The following PITPNA variants were observed in gnomAD, a reference collection of about 807,000 sequenced individuals.
The protein encoded by PITPNA is phosphatidylinositol transfer protein alpha.
A neutral mutation model predicts 50.3 loss-of-function variants in PITPNA; 13 were observed. The ratio of observed to expected loss-of-function variants is 0.26; its 90% CI spans 0.17 to 0.41. The LOEUF (loss-of-function observed/expected upper bound fraction) is 0.41. PITPNA is among the 10% of genes least tolerant of loss of function. The probability of loss-of-function intolerance (pLI) is 1.00; values close to 1 mark genes in which losing one functional copy is unlikely to be tolerated. For missense variants in PITPNA, 207 were observed against 333.4 expected (o/e 0.62, Z 2.95); for synonymous variants, 120 against 119.6 (o/e 1.00, Z -0.02).
At chr17:1,524,907 G>C (rs1285716712) in intron 10 of PITPNA, among the ~76,000 whole-genome samples, 1 of 152,136 alleles carries the variant, frequency 6.6e-6, no homozygotes, top group African/African-American at 2.4e-5. Flanking sequence ...CTGACGTGGA[G>C]TATGCACTGA....
At chr17:1,524,035 T>C (rs1207065876) in intron 10 of PITPNA, among the ~76,000 whole-genome samples, 2 of 122,690 alleles carry the variant, frequency 1.6e-5, no homozygotes, top group Non-Finnish European at 3.2e-5. Flanking sequence ...CCTCAGTTTT[T>C]TTCTTTTTTC....
At chr17:1,520,856 ATT>A (rs1362698496) in intron 11 of PITPNA, among the ~76,000 whole-genome samples, 2 of 152,052 alleles carry the variant, frequency 1.3e-5, no homozygotes, top group African/African-American at 2.4e-5. Context: ...TGTAAAAATA[ATT>A]TTCTCTCTGA....
intron 4 of PITPNA, among the ~76,000 whole-genome samples, chr17:1,546,572 A>T (rs750780024): frequency 6.6e-6 from 1 of 152,322 alleles, no homozygotes; most frequent in Non-Finnish European, 1.5e-5. Context: ...ACAGGTCAGC[A>T]GAGGCTGGTG....
At chr17:1,539,322 T>C (rs1326519823) in intron 6 of PITPNA, among the ~76,000 whole-genome samples, 3 of 151,636 alleles carry the variant, frequency 2.0e-5, no homozygotes, top group African/African-American at 7.3e-5. Flanking sequence ...GCCCGAGTGA[T>C]CCTCCTGTCT....
At chr17:1,541,356 C>G (rs1418485158) in intron 6 of PITPNA, among the ~76,000 whole-genome samples, 2 of 152,210 alleles carry the variant, frequency 1.3e-5, no homozygotes, top group East Asian at 3.9e-4. Context: ...CCAAGCAGTA[C>G]GAGAAGGCCC....
At chr17:1,540,806 C>T (rs577772460) in intron 6 of PITPNA, among the ~76,000 whole-genome samples, 1 of 152,200 alleles carries the variant, frequency 6.6e-6, no homozygotes, top group South Asian at 2.1e-4. Context: ...AGGATGGTCT[C>T]GATCTCCTGA....
At chr17:1,551,868 CGAGGAGACTGGGTGACGGT>C (rs2075711419) in intron 3 of PITPNA, among the ~76,000 whole-genome samples, 4 of 151,742 alleles carry the variant, frequency 2.6e-5, no homozygotes, top group South Asian at 2.1e-4. Flanking sequence ...GACCCTCTGG[CGAGGAGACTGGGTGACGGT>C]GAGGAGACTG....
intron 4 of PITPNA, among the ~76,000 whole-genome samples, chr17:1,547,302 G>A (rs760195453): frequency 5.9e-5 from 9 of 152,076 alleles, no homozygotes; most frequent in Non-Finnish European, 1.2e-4. Context: ...GGAGGTTAAG[G>A]CTGCAGTGAG....
At position 1,538,945 on chromosome 17, in the gene PITPNA, T is replaced by G; in HGVS notation, c.380A>C (p.Lys127Thr). 6.2e-7 allele frequency: 1 copy of G among 1,612,608 alleles called. No homozygotes were observed. Among genetic ancestry groups the G allele is most frequent in the South Asian group, 1.1e-5 (1 of 91,022 alleles). Residue 127 changes from lysine (K) to threonine (T), a missense_variant, in exon 7 of 12, where the codon AAG becomes ACG. Coordinates refer to ENST00000313486, the MANE Select transcript of PITPNA (RefSeq NM_006224.4). ...GTGTTTCCACGCCTCAGGCTCCAGC[T>G]TATGCACCTGTGGGAACAAGTGGGG... The part of the protein sequence containing the change: ...PDLGTQENVH[K>T]LEPEAWKHVE...
intron 4 of PITPNA, among the ~76,000 whole-genome samples, chr17:1,543,946 T>C (rs917006831): frequency 1.3e-5 from 2 of 152,194 alleles, no homozygotes; most frequent in African/African-American, 4.8e-5. Flanking sequence ...ATGGGTATAG[T>C]ATCTCGTCAG....
intron 10 of PITPNA, among the ~76,000 whole-genome samples, chr17:1,526,395 T>G (rs2075548395): frequency 6.6e-6 from 1 of 152,252 alleles, no homozygotes; most frequent in African/African-American, 2.4e-5. Flanking sequence ...CTGTAGCCTT[T>G]GCTCTAAAGG....
At chr17:1,532,339 AGCCTCCCAAAGT>A (rs1262641891) in intron 10 of PITPNA, among the ~76,000 whole-genome samples, 2 of 152,108 alleles carry the variant, frequency 1.3e-5, no homozygotes, top group Non-Finnish European at 2.9e-5. Context: ...TGCCCACCTT[AGCCTCCCAAAGT>A]GCTGGGATTA....
At chr17:1,543,427 G>A (rs748702720) in intron 4 of PITPNA, among the ~76,000 whole-genome samples, 1 of 152,082 alleles carries the variant, frequency 6.6e-6, no homozygotes, top group Non-Finnish European at 1.5e-5. Context: ...GGGTGCTTTG[G>A]CCATGCACTG....
chr17:1,548,924 C>T (rs551501016), intron 3 of PITPNA, among the ~76,000 whole-genome samples: 3 of 152,180 alleles, frequency 2.0e-5, no homozygotes, highest in African/African-American at 4.8e-5. Context: ...TTGTTTGAGA[C>T]GGAGTCTCCC....
At chr17:1,521,121 G>C (rs1280907992) in intron 11 of PITPNA, among the ~76,000 whole-genome samples, 1 of 152,202 alleles carries the variant, frequency 6.6e-6, no homozygotes, top group South Asian at 2.1e-4. Flanking sequence ...ATGGGATCGG[G>C]GGTATAAAGA....
In PITPNA at chr17:1,535,192, A is replaced by G. The variant is rs1156497844; in HGVS notation, c.635T>C (p.Phe212Ser). The G allele has an allele frequency of 6.2e-7, 1 of 1,609,110 alleles. No individual in the cohort carries two copies. The highest frequency in any genetic ancestry group is 2.2e-5 in the East Asian group (1 of 44,868). The change falls in exon 9 of 12, where the codon TTC (phenylalanine) becomes TCC (serine). Residue 212 changes from phenylalanine (F) to serine (S), a missense_variant. Physicochemically the swap from Phe to Ser is radical, Grantham distance 155. Coordinates refer to ENST00000313486, the MANE Select transcript of PITPNA (RefSeq NM_006224.4). ...AGCCGAGCTACTTACCTTATGGATGAAGTTCTCCACTTTGTTCTGCAGGCC... is the reference window on the plus strand; with the variant it reads ...AGCCGAGCTACTTACCTTATGGATGGAGTTCTCCACTTTGTTCTGCAGGCC... ...WWGLQNKVEN[F>S]IHKQERRLFT...
Position 1,520,324 on chromosome 17 carries a change from G to T in PITPNA, c.*237C>A, listed in dbSNP as rs1329605366. The stretch of plus-strand genomic sequence containing the variant: ...GCGCTGTAACTACAGCAACCTACAC[G>T]CCACGTATCTCGGAGGAGCAGGCTC... On this transcript the variant is annotated 3_prime_UTR_variant, in exon 12 of 12. Coordinates refer to ENST00000313486, the MANE Select transcript of PITPNA (RefSeq NM_006224.4). 2 of 152,556 alleles carry T rather than the reference G, an allele frequency of 1.3e-5. No homozygotes were observed. Among genetic ancestry groups the T allele is most frequent in the Non-Finnish European group, 2.9e-5 (2 of 68,038 alleles). The allele number at this position is 152,556 out of a possible 1,614,324, so 9.5% of individuals were successfully genotyped here.
chr17:1,532,274 A>T (rs1255133174), intron 10 of PITPNA, among the ~76,000 whole-genome samples: 1 of 152,032 alleles, frequency 6.6e-6, no homozygotes, highest in Non-Finnish European at 1.5e-5. Flanking sequence ...TTTTTAGTAG[A>T]GACAGGGTTT....
intron 5 of PITPNA, 24 bp from the exon 6 acceptor site, chr17:1,541,664 T>G (rs761451155): frequency 6.8e-7 from 1 of 1,465,442 alleles, no homozygotes; most frequent in Admixed American, 1.7e-5. Flanking sequence ...AAAAAATACA[T>G]GAAAGTCACT....
Sources: allele counts gnomAD v4.1 joint callset (sites outside exome capture counted in the v4.1 genomes callset), GRCh38; gene constraint gnomAD v4.1.1; transcripts MANE v1.5; gene names NCBI Gene and HGNC (gene_info 2026-07-23, HGNC 2026-07-21).